Variants in MAPK8 observed in about 807,000 individuals in gnomAD.
The protein encoded by MAPK8 is mitogen-activated protein kinase 8, also known as JUN N-terminal kinase.
Under a neutral mutation model 52.9 loss-of-function variants are expected in MAPK8, and 13 were observed. That is an observed-to-expected ratio of 0.25 (90% CI 0.16 to 0.39). The LOEUF (loss-of-function observed/expected upper bound fraction) is 0.39. Among genes scored for constraint, MAPK8 ranks in the 10% least tolerant of loss-of-function variants. The pLI, the probability that MAPK8 is intolerant of heterozygous loss-of-function variation, is 1.00. For missense variants in MAPK8, 300 were observed against 519.2 expected (o/e 0.58, Z 4.10); for synonymous variants, 191 against 169.8 (o/e 1.12, Z -0.97).
chr10:48,417,257 C>G (rs1329822939), intron 5 of MAPK8, among the ~76,000 whole-genome samples: 1 of 152,160 alleles, frequency 6.6e-6, no homozygotes, highest in Non-Finnish European at 1.5e-5. Context: ...TCTTATCTTT[C>G]TGATTGTAGT....
intron 1 of MAPK8, among the ~76,000 whole-genome samples, chr10:48,320,208 G>A (rs1412063662): frequency 4.3e-5 from 2 of 46,754 alleles, no homozygotes; most frequent in African/African-American, 6.6e-5. Context: ...GCCACTGCTC[G>A]GCCTTTTTTT....
intron 1 of MAPK8, among the ~76,000 whole-genome samples, chr10:48,361,640 C>T (rs1464393507): frequency 1.3e-5 from 2 of 152,188 alleles, no homozygotes; most frequent in African/African-American, 4.8e-5. Flanking sequence ...ACATTGCTCT[C>T]TCTTGTACTA....
At chr10:48,396,911 G>C (rs1471733891) in intron 1 of MAPK8, among the ~76,000 whole-genome samples, 4 of 152,012 alleles carry the variant, frequency 2.6e-5, no homozygotes, top group African/African-American at 9.7e-5. Flanking sequence ...CCCAGTCTGT[G>C]GCTTGCCTTT....
At chr10:48,323,349 C>T (rs1422008186) in intron 1 of MAPK8, among the ~76,000 whole-genome samples, 2 of 152,138 alleles carry the variant, frequency 1.3e-5, no homozygotes, top group African/African-American at 4.8e-5. Context: ...GAAGTATCTA[C>T]TTAGTCGTGT....
rs912143869 is a variant in MAPK8 at position 48,439,144 on chromosome 10, TCCTCTCCTTCCCTGTGTTCCGTTC to T, written c.*4125_*4148del. The T allele has an allele frequency of 5.3e-5, 8 of 151,750 alleles. No homozygotes were observed. The highest frequency in any genetic ancestry group is 3.9e-4 in the Admixed American group (6 of 15,216). 9.4% of individuals were successfully genotyped at this position (151,750 alleles called of 1,614,324 possible). ...CTCTGCGATGTCATTCCTCCTCCAT[TCCTCTCCTTCCCTGTGTTCCGTTC>T]CCTCTCCTTTCCTCTAGACAAAACA... On this transcript the variant is annotated 3_prime_UTR_variant, in exon 12 of 12. Coordinates refer to ENST00000374189, the MANE Select transcript of MAPK8 (RefSeq NM_001323329.2).
intron 5 of MAPK8, among the ~76,000 whole-genome samples, chr10:48,413,447 CTT>C (rs958695625): frequency 6.6e-6 from 1 of 152,106 alleles, no homozygotes; most frequent in African/African-American, 2.4e-5. Context: ...CTTACCAACA[CTT>C]TTATTTTTTT....
Position 48,410,302 on chromosome 10 carries a change from T to C in MAPK8, c.450+134T>C, listed in dbSNP as rs74995194. The C allele has an allele frequency of 6.4e-4, 421 of 657,210 alleles. 5 individuals carry two copies. In the East Asian group the frequency reaches 0.012, roughly 19 times the overall value. The allele number at this position is 657,210 out of a possible 1,614,324, so 40.7% of individuals were successfully genotyped here. On this transcript the variant is annotated intron_variant, in intron 5 of 11. Coordinates refer to ENST00000374189, the MANE Select transcript of MAPK8 (RefSeq NM_001323329.2). ...TACAACTACCACCCATATTAAATTC[T>C]AAAATATTTTCATTACCCCCAAAAA...
At chr10:48,428,170 T>A (rs2043826574) in intron 10 of MAPK8, among the ~76,000 whole-genome samples, 1 of 152,210 alleles carries the variant, frequency 6.6e-6, no homozygotes, top group Non-Finnish European at 1.5e-5. Flanking sequence ...TCTAATGTAG[T>A]TTTATTCTAT....
At chr10:48,328,468 C>T (rs1843751640) in intron 1 of MAPK8, among the ~76,000 whole-genome samples, 1 of 152,118 alleles carries the variant, frequency 6.6e-6, no homozygotes, top group Non-Finnish European at 1.5e-5. Flanking sequence ...TTGATCTGAC[C>T]TGGTTGATCG....
intron 1 of MAPK8, among the ~76,000 whole-genome samples, chr10:48,341,411 A>C (rs763534816): frequency 1.3e-5 from 2 of 152,246 alleles, no homozygotes; most frequent in Non-Finnish European, 2.9e-5. Flanking sequence ...GAATGCCAGC[A>C]TGACGCTCAA....
At chr10:48,364,454 ATTCTT>A (rs1847848073) in intron 1 of MAPK8, among the ~76,000 whole-genome samples, 1 of 152,074 alleles carries the variant, frequency 6.6e-6, no homozygotes, top group Admixed American at 6.6e-5. Flanking sequence ...AAAAAACTGA[ATTCTT>A]TAGAAATATT....
At chr10:48,344,291 G>T (rs1845564846) in intron 1 of MAPK8, among the ~76,000 whole-genome samples, 1 of 152,126 alleles carries the variant, frequency 6.6e-6, no homozygotes, top group African/African-American at 2.4e-5. Flanking sequence ...TTTTAAACCT[G>T]CACAGATTTT....
At chr10:48,407,990 C>T (rs1004405742) in intron 3 of MAPK8, among the ~76,000 whole-genome samples, 3 of 152,116 alleles carry the variant, frequency 2.0e-5, no homozygotes, top group Admixed American at 1.3e-4. Context: ...TTATCATTTC[C>T]CTCTCTTAAA....
Position 48,334,317 on chromosome 10 carries a change from CT to C in MAPK8, c.-50+27497del, listed in dbSNP as rs989044031. On this transcript the variant is annotated intron_variant, in intron 1 of 11. Transcript: ENST00000374189. ...TTTCCCTGTGTACTCAACTCCCCAACTGGAGGTTTCTTGCACACCCCGAGAA... is the reference window on the plus strand; with the variant it reads ...TTTCCCTGTGTACTCAACTCCCCAACGGAGGTTTCTTGCACACCCCGAGAA... Among the ~76,000 whole-genome samples, 265 of 152,302 alleles carry C rather than the reference CT, an allele frequency of 1.7e-3. 2 individuals are homozygous for C. The highest frequency in any genetic ancestry group is 0.015 in the Admixed American group (226 of 15,302).
chr10:48,423,893 C>T (rs781757450), intron 6 of MAPK8, among the ~76,000 whole-genome samples, 195 bp from the exon 7 acceptor site: 17 of 152,160 alleles, frequency 1.1e-4, no homozygotes, highest in Admixed American at 9.8e-4. Context: ...AAATGCCACA[C>T]TTTACATTTT....
intron 1 of MAPK8, among the ~76,000 whole-genome samples, chr10:48,363,432 A>G (rs1847739838): frequency 6.6e-6 from 1 of 152,218 alleles, no homozygotes; most frequent in Admixed American, 6.5e-5. Flanking sequence ...TGTGTGGTCT[A>G]ATGATTATAT....
intron 1 of MAPK8, among the ~76,000 whole-genome samples, chr10:48,383,256 A>C (rs2041118730): frequency 6.6e-6 from 1 of 152,134 alleles, no homozygotes; most frequent in Non-Finnish European, 1.5e-5. Context: ...AGACAGTTTA[A>C]ATAATGAAAG....
At chr10:48,428,403 A>G (rs1300477577) in intron 10 of MAPK8, among the ~76,000 whole-genome samples, 1 of 152,086 alleles carries the variant, frequency 6.6e-6, no homozygotes, top group South Asian at 2.1e-4. Flanking sequence ...CCTGCATTTT[A>G]CCTCATCTTA....
At chr10:48,373,949 T>A (rs1001218121) in intron 1 of MAPK8, among the ~76,000 whole-genome samples, 4 of 152,228 alleles carry the variant, frequency 2.6e-5, no homozygotes, top group Middle Eastern at 3.4e-3. Context: ...ATATACGTTC[T>A]CCTCAGCACC....
Sources: allele counts gnomAD v4.1 joint callset (sites outside exome capture counted in the v4.1 genomes callset), GRCh38; gene constraint gnomAD v4.1.1; transcripts MANE v1.5; gene names NCBI Gene and HGNC (gene_info 2026-07-23, HGNC 2026-07-21).